The following SDHC variants were observed in gnomAD, a reference collection of about 807,000 sequenced individuals.
SDHC encodes succinate dehydrogenase cytochrome b560 subunit, mitochondrial.
SDHC carries 11 observed loss-of-function variants against 22.6 expected under a neutral mutation model. That is an observed-to-expected ratio of 0.49 (90% confidence interval 0.31 to 0.81). SDHC has a LOEUF of 0.81. Among genes scored for constraint, SDHC ranks in the 30% least tolerant of loss-of-function variants. SDHC has a pLI of 0.05. For missense variants in SDHC, 160 were observed against 212.0 expected, an observed-to-expected ratio of 0.75 and a Z score of 1.52; for synonymous variants, 80 against 77.8, an observed-to-expected ratio of 1.03 and a Z score of -0.15.
intron 4 of SDHC, among the ~76,000 whole-genome samples, chr1:161,356,126 T>C (rs532541031): frequency 2.7e-4 from 41 of 152,156 alleles, no homozygotes; most frequent in Non-Finnish European, 5.6e-4. Flanking sequence ...AAGTGAAGTT[T>C]TTATAGAGAC....
At position 161,363,112 on chromosome 1, in the gene SDHC, A is replaced by G. The variant is rs2102388443; in HGVS notation, c.*679A>G. ...ATTTCTTTTTCTTGGATTTCCAGAA[A>G]AGCCTCTTAATTTTATGCTTTCTCA... On this transcript the variant is annotated 3_prime_UTR_variant, in exon 6 of 6. Coordinates refer to ENST00000367975, the MANE Select transcript of SDHC (RefSeq NM_003001.5). 4.3e-6 allele frequency: 1 copy of G among 234,936 alleles called. No homozygotes were observed. The highest frequency in any genetic ancestry group is 6.0e-5 in the East Asian group (1 of 16,738). The allele number at this position is 234,936 out of a possible 1,614,324, so 14.6% of individuals were successfully genotyped here. A position where few individuals can be genotyped will look rare whatever the true frequency, so the allele number is the denominator to read the frequency against.
chr1:161,334,773 C>T lies in SDHC; in HGVS notation c.180-5821C>T, dbSNP rs562535862. ...TTAGCAACCTTAATTTCATCTGCAA[C>T]CTTAATTCCCCTTTGCCGTAAAAGG... is the stretch of plus-strand genomic sequence containing the variant. On this transcript the variant is annotated intron_variant, in intron 3 of 5. Coordinates refer to ENST00000367975, the MANE Select transcript of SDHC (RefSeq NM_003001.5). Among the ~76,000 whole-genome samples, 20 of 152,254 alleles carry T rather than the reference C, an allele frequency of 1.3e-4. No individual in the cohort carries two copies. In the South Asian group the frequency reaches 4.1e-3, roughly 32 times the overall value.
intron 2 of SDHC, among the ~76,000 whole-genome samples, chr1:161,324,058 A>G (rs138764197): frequency 5.6e-4 from 85 of 152,270 alleles, no homozygotes; most frequent in African/African-American, 2.0e-3. Context: ...TTTGATGGAT[A>G]TGTACGACAG....
chr1:161,356,984 G>A, intron 5 of SDHC, 144 bp downstream of exon 5: 1 of 829,458 alleles, frequency 1.2e-6, no homozygotes, highest in Non-Finnish European at 2.0e-6. Context: ...AGGCTGGAGT[G>A]CAGTGGTGCG....
At chr1:161,361,102 C>G (rs1672492511) in intron 5 of SDHC, among the ~76,000 whole-genome samples, 1 of 152,056 alleles carries the variant, frequency 6.6e-6, no homozygotes, top group African/African-American at 2.4e-5. Context: ...GAAGTTCACG[C>G]CCGTAATGCC....
At chr1:161,345,800 T>C (rs1321848694) in intron 4 of SDHC, among the ~76,000 whole-genome samples, 1 of 150,558 alleles carries the variant, frequency 6.6e-6, no homozygotes, top group African/African-American at 2.4e-5. Flanking sequence ...TCTGGGTTTT[T>C]TTGTTTTGTT....
At chr1:161,332,422 T>G (rs931898086) in intron 3 of SDHC, among the ~76,000 whole-genome samples, 2 of 152,212 alleles carry the variant, frequency 1.3e-5, no homozygotes, top group Non-Finnish European at 2.9e-5. Context: ...TTCTGCCCTA[T>G]GTAACAAGGA....
intron 3 of SDHC, among the ~76,000 whole-genome samples, chr1:161,337,948 ATC>A (rs751227069): frequency 5.9e-5 from 9 of 152,210 alleles, no homozygotes; most frequent in African/African-American, 9.6e-5. Flanking sequence ...TAATTGTGCA[ATC>A]TGTTTCACAC....
At chr1:161,350,506 C>G (rs1198487419) in intron 4 of SDHC, among the ~76,000 whole-genome samples, 1 of 152,120 alleles carries the variant, frequency 6.6e-6, no homozygotes, top group African/African-American at 2.4e-5. Context: ...AAAACATCAA[C>G]AAAAGTTCCA....
intron 4 of SDHC, among the ~76,000 whole-genome samples, chr1:161,343,169 A>G (rs943809448): frequency 9.9e-5 from 15 of 152,104 alleles, no homozygotes; most frequent in African/African-American, 1.4e-4. Flanking sequence ...GGTATTGGAA[A>G]AGTGCTCTTG....
At chr1:161,355,391 C>A (rs1571888015) in intron 4 of SDHC, among the ~76,000 whole-genome samples, 1 of 152,122 alleles carries the variant, frequency 6.6e-6, no homozygotes, top group Admixed American at 6.6e-5. Context: ...TTCTCCCATT[C>A]CTTTGAGTTG....
intron 3 of SDHC, among the ~76,000 whole-genome samples, chr1:161,336,500 A>G (rs1671488512): frequency 6.6e-6 from 1 of 152,134 alleles, no homozygotes; most frequent in South Asian, 2.1e-4. Context: ...AAAAGAGAAA[A>G]GAGCATCCTA....
rs142724121 is a variant in SDHC, at chr1:161,346,112, C to T, written c.241+5457C>T. Reference sequence around the variant, plus strand: ...GAGCCACCACGCCCAGCCAAATCTGCGTCTTTTATTAGACTGTAAAGTCTT... The same window carrying T: ...GAGCCACCACGCCCAGCCAAATCTGTGTCTTTTATTAGACTGTAAAGTCTT... On this transcript the variant is annotated intron_variant, in intron 4 of 5. Coordinates refer to ENST00000367975, the MANE Select transcript of SDHC (RefSeq NM_003001.5). Among the ~76,000 whole-genome samples, 26 of 152,188 alleles carry T rather than the reference C, an allele frequency of 1.7e-4. 1 individual carries two copies. In the South Asian group the frequency reaches 4.8e-3, roughly 28 times the overall value.
chr1:161,345,699 G>A (rs906749095), intron 4 of SDHC, among the ~76,000 whole-genome samples: 8 of 152,182 alleles, frequency 5.3e-5, no homozygotes, highest in African/African-American at 1.2e-4. Flanking sequence ...CTTGTGATCC[G>A]CCCGCCTCGG....
Position 161,323,655 on chromosome 1 carries a change from A to G in SDHC, c.62A>G (p.Gln21Arg), listed in dbSNP as rs1670927465. ...RHCLRAHFSP[Q>R]LCIRNAVPLG... ...TGCCTCCGAGCCCACTTTAGCCCTC[A>G]GCTCTGTATCAGAAAGTAAGTTTCT... Residue 21 changes from glutamine (Q) to arginine (R), a missense_variant, in exon 2 of 6, where the codon CAG (glutamine) becomes CGG (arginine). This residue lies in a region of SDHC where 86 missense variants were observed against 83.4 expected (regional missense o/e 1.03). Transcript: ENST00000367975. The G allele has an allele frequency of 6.2e-7, 1 of 1,612,032 alleles. No individual in the cohort carries two copies. Among genetic ancestry groups the G allele is most frequent in the Non-Finnish European group, 8.5e-7 (1 of 1,178,508 alleles).
chr1:161,340,532 A>T, intron 3 of SDHC, 62 bp from the exon 4 acceptor site: 1 of 1,430,478 alleles, frequency 7.0e-7, no homozygotes, highest in Non-Finnish European at 9.8e-7. Context: ...TTGCCAAGAT[A>T]GACTCTCTAC....
In SDHC at chr1:161,362,690, A is replaced by G; in HGVS notation, c.*257A>G. 1 of 646,700 alleles carries G rather than the reference A, an allele frequency of 1.5e-6. No individual in the cohort carries two copies. Among genetic ancestry groups the G allele is most frequent in the Non-Finnish European group, 2.7e-6 (1 of 367,706 alleles). 40.1% of individuals were successfully genotyped at this position (646,700 alleles called of 1,614,324 possible). A position where few individuals can be genotyped will look rare whatever the true frequency, so the allele number is the denominator to read the frequency against. On this transcript the variant is annotated 3_prime_UTR_variant, in exon 6 of 6. Transcript: ENST00000367975. ...CCCACAGCTTGCCTACTCTCGGCCT[A>G]GAAGCAGTTATTCTCTCTCCATATT...
At chr1:161,322,463 T>C (rs1306305779) in intron 1 of SDHC, among the ~76,000 whole-genome samples, 1 of 152,204 alleles carries the variant, frequency 6.6e-6, no homozygotes, top group Non-Finnish European at 1.5e-5. Flanking sequence ...ATTCAGGATA[T>C]CTGGAGTTTG....
intron 1 of SDHC, chr1:161,314,849 G>T (rs947932422): frequency 1.5e-5 from 3 of 194,528 alleles, no homozygotes; most frequent in African/African-American, 2.3e-5. Flanking sequence ...TGCTTCGAAT[G>T]CCTTCAGACA....
Sources: gnomAD v4.1 joint callset for allele counts (sites outside exome capture counted in the v4.1 genomes callset) on GRCh38, gnomAD v4.1.1 for gene constraint, gnomAD v4.1.1 regional missense constraint, MANE v1.5 for transcripts, NCBI Gene and HGNC (gene_info 2026-07-23, HGNC 2026-07-21) for gene names.